Variants in DRC8 observed in about 807,000 individuals in gnomAD.
DRC8 encodes the protein dynein regulatory complex subunit 8.
At chr1:245,085,595 C>G in the DRC8 span, among the ~76,000 whole-genome samples, 6 of 152,158 alleles carry the variant, frequency 3.9e-5, no homozygotes, top group Admixed American at 6.5e-5. Context: ...CTTACTGGGA[C>G]TAAATTGTGG....
the DRC8 span, among the ~76,000 whole-genome samples, chr1:244,990,686 T>C: frequency 6.6e-6 from 1 of 152,170 alleles, no homozygotes; most frequent in Non-Finnish European, 1.5e-5. Flanking sequence ...TCTTGCTCTG[T>C]TGCCCAGGCT....
chr1:245,080,651 C>G, the DRC8 span, among the ~76,000 whole-genome samples: 1 of 152,160 alleles, frequency 6.6e-6, no homozygotes, highest in South Asian at 2.1e-4. Flanking sequence ...CTACCAATTT[C>G]ACTTCTTAAA....
At chr1:244,970,752 A>T in the DRC8 span, 17 of 414,114 alleles carry the variant, frequency 4.1e-5, no homozygotes, top group East Asian at 6.8e-4. Flanking sequence ...CGCCCTCTTC[A>T]CCCTCTTCCC....
At chr1:245,016,877 C>T in the DRC8 span, among the ~76,000 whole-genome samples, 2 of 152,188 alleles carry the variant, frequency 1.3e-5, no homozygotes, top group Non-Finnish European at 2.9e-5. Context: ...CACTGTGCCT[C>T]TCAGGCTACG....
chr1:244,996,043 A>G, the DRC8 span, among the ~76,000 whole-genome samples: 1 of 152,220 alleles, frequency 6.6e-6, no homozygotes. Flanking sequence ...TTAAGACAAT[A>G]AACATTTATT....
the DRC8 span, among the ~76,000 whole-genome samples, chr1:245,076,518 A>G: frequency 6.6e-6 from 1 of 152,178 alleles, no homozygotes; most frequent in African/African-American, 2.4e-5. Flanking sequence ...ACTCTGACCA[A>G]TACAGAAAGA....
the DRC8 span, among the ~76,000 whole-genome samples, chr1:245,041,699 C>T: frequency 6.6e-6 from 1 of 152,060 alleles, no homozygotes; most frequent in African/African-American, 2.4e-5. Flanking sequence ...AAAGCCCAAA[C>T]AAAAGGGAGG....
At chr1:244,973,603 C>T in the DRC8 span, among the ~76,000 whole-genome samples, 1 of 152,178 alleles carries the variant, frequency 6.6e-6, no homozygotes, top group African/African-American at 2.4e-5. Context: ...AAGATACATT[C>T]TTCTATTCCA....
At chr1:245,066,446 A>T in the DRC8 span, among the ~76,000 whole-genome samples, 1 of 152,262 alleles carries the variant, frequency 6.6e-6, no homozygotes, top group Non-Finnish European at 1.5e-5. Context: ...TGAATTAAGT[A>T]TGCATGTGTA....
At chr1:244,992,635 G>A in the DRC8 span, among the ~76,000 whole-genome samples, 1 of 152,256 alleles carries the variant, frequency 6.6e-6, no homozygotes, top group African/African-American at 2.4e-5. Context: ...AGCTACTCTG[G>A]AGGCTGAGGC....
At chr1:245,118,444 G>A in the DRC8 span, among the ~76,000 whole-genome samples, 2 of 152,176 alleles carry the variant, frequency 1.3e-5, no homozygotes, top group Admixed American at 6.6e-5. Flanking sequence ...ACCTTGTGGA[G>A]CATTTTAAAA....
At chr1:245,034,267 A>G in the DRC8 span, among the ~76,000 whole-genome samples, 1 of 152,184 alleles carries the variant, frequency 6.6e-6, no homozygotes, top group Admixed American at 6.5e-5. Flanking sequence ...TAAATTGAAA[A>G]CTTATAAGAA....
At chr1:245,071,166 A>G in the DRC8 span, among the ~76,000 whole-genome samples, 4 of 152,224 alleles carry the variant, frequency 2.6e-5, no homozygotes, top group Non-Finnish European at 1.5e-5. Flanking sequence ...TCGTGGGACT[A>G]TTTCTATAAC....
the DRC8 span, chr1:244,970,262 C>CCTCCT: frequency 2.7e-6 from 2 of 730,478 alleles, no homozygotes; most frequent in South Asian, 3.0e-5. Flanking sequence ...GCGCTCGGAG[C>CCTCCT]CTCCTCCCCG....
chr1:245,003,802 C>T, the DRC8 span, among the ~76,000 whole-genome samples: 1 of 152,008 alleles, frequency 6.6e-6, no homozygotes, highest in African/African-American at 2.4e-5. Flanking sequence ...CAGGATCTCA[C>T]TATGTTGCCC....
At chr1:245,028,705 A>C in the DRC8 span, among the ~76,000 whole-genome samples, 1 of 152,190 alleles carries the variant, frequency 6.6e-6, no homozygotes, top group African/African-American at 2.4e-5. Flanking sequence ...ACAGCTTAAA[A>C]GTTTTTGAAT....
At chr1:245,061,412 C>G in the DRC8 span, among the ~76,000 whole-genome samples, 1 of 152,150 alleles carries the variant, frequency 6.6e-6, no homozygotes, top group South Asian at 2.1e-4. Flanking sequence ...AGGGACATGA[C>G]ACAACCTTTG....
At chr1:245,074,484 A>G in the DRC8 span, among the ~76,000 whole-genome samples, 1 of 152,156 alleles carries the variant, frequency 6.6e-6, no homozygotes, top group Admixed American at 6.5e-5. Context: ...AAAACAGGGA[A>G]ATTAATGGTC....
chr1:245,065,073 C>CTTTTTTTTTTTTTTTTTTTTT, the DRC8 span, among the ~76,000 whole-genome samples: 82 of 81,588 alleles, frequency 1.0e-3, no homozygotes, highest in Non-Finnish European at 1.2e-3. Context: ...TAACATTCTT[C>CTTTTTTTTTTTTTTTTTTTTT]TTTTTTTTTT....
Sources: gnomAD v4.1 joint callset for allele counts (sites outside exome capture counted in the v4.1 genomes callset) on GRCh38, gnomAD v4.1.1 for gene constraint, MANE v1.5 for transcripts, NCBI Gene and HGNC (gene_info 2026-07-23, HGNC 2026-07-21) for gene names.